Variants in SORT1 observed in about 807,000 individuals in gnomAD.
The protein encoded by SORT1 is sortilin 1.
SORT1 carries 39 observed loss-of-function variants against 101.7 expected under a neutral mutation model. The observed-to-expected ratio is 0.38, with a 90% confidence interval of 0.30 to 0.50. SORT1 has a LOEUF of 0.50. Ranked by LOEUF, SORT1 falls within the 20% of genes least tolerant of loss-of-function variation. The probability of loss-of-function intolerance (pLI) is 0.90; values close to 1 mark genes in which losing one functional copy is unlikely to be tolerated. For synonymous variants in SORT1, 396 were observed against 393.7 expected (o/e 1.01, Z -0.07); for missense variants, 878 against 1,040.4 (o/e 0.84, Z 2.15).
At chr1:109,379,321 C>CA (rs1652078398) in intron 1 of SORT1, among the ~76,000 whole-genome samples, 1 of 150,838 alleles carries the variant, frequency 6.6e-6, no homozygotes, top group African/African-American at 2.4e-5. Flanking sequence ...AAAAATCATA[C>CA]AAAAAAATCT....
rs944938224 is a variant in SORT1, at chr1:109,341,017, G to A, written c.1109-138C>T. On this transcript the variant is annotated intron_variant, in intron 9 of 19. Coordinates refer to ENST00000256637, the MANE Select transcript of SORT1 (RefSeq NM_002959.7). ...CTCTTCATGATGAAGACTCAGACCT[G>A]AGAATTAATCAAGGTTTGATACTCA... 4 of 643,012 alleles carry A rather than the reference G, an allele frequency of 6.2e-6. No homozygotes were observed. The Admixed American group carries it at 1.4e-4, about 22-fold the overall frequency. 39.8% of individuals were successfully genotyped at this position (643,012 alleles called of 1,614,324 possible). A position where few individuals can be genotyped will look rare whatever the true frequency, so the allele number is the denominator to read the frequency against.
intron 1 of SORT1, among the ~76,000 whole-genome samples, chr1:109,385,414 T>C (rs1016293316): frequency 9.2e-5 from 14 of 152,210 alleles, no homozygotes; most frequent in African/African-American, 3.4e-4. Context: ...CTTTGGCACT[T>C]ATAAAAGGGT....
At chr1:109,368,054 G>A (rs1187483539) in intron 2 of SORT1, among the ~76,000 whole-genome samples, 1 of 152,114 alleles carries the variant, frequency 6.6e-6, no homozygotes, top group African/African-American at 2.4e-5. Context: ...AGCACTTTGG[G>A]AGGCTGAGGC....
At chr1:109,378,711 T>TATATATATATATATATATAAATG in intron 1 of SORT1, among the ~76,000 whole-genome samples, 1 of 5,180 alleles carries the variant, frequency 1.9e-4, no homozygotes, top group Admixed American at 1.9e-3. Flanking sequence ...TATATATATA[T>TATATATATATATATATATAAATG]ATATATATAT....
intron 1 of SORT1, among the ~76,000 whole-genome samples, chr1:109,378,971 C>T (rs1652051069): frequency 6.6e-6 from 1 of 150,682 alleles, no homozygotes; most frequent in East Asian, 2.0e-4. Flanking sequence ...GGTGAAACTC[C>T]GTCTCTACTA....
At chr1:109,353,439 C>T (rs984155570) in intron 5 of SORT1, among the ~76,000 whole-genome samples, 1 of 152,078 alleles carries the variant, frequency 6.6e-6, no homozygotes, top group Non-Finnish European at 1.5e-5. Flanking sequence ...AGCCCAGAAC[C>T]CAGACCTCTC....
intron 13 of SORT1, among the ~76,000 whole-genome samples, chr1:109,325,411 T>C (rs1009936320): frequency 2.6e-5 from 4 of 151,746 alleles, no homozygotes; most frequent in Non-Finnish European, 5.9e-5. Flanking sequence ...CAGCTAATTT[T>C]TGTATTTTTA....
chr1:109,317,692 G>C (rs1237858215), intron 16 of SORT1, among the ~76,000 whole-genome samples, 161 bp downstream of exon 16: 1 of 152,156 alleles, frequency 6.6e-6, no homozygotes, highest in Non-Finnish European at 1.5e-5. Flanking sequence ...CTCACCTCCT[G>C]TAGTTGACCC....
At chr1:109,385,862 G>A (rs1345292547) in intron 1 of SORT1, among the ~76,000 whole-genome samples, 1 of 151,956 alleles carries the variant, frequency 6.6e-6, no homozygotes, top group Non-Finnish European at 1.5e-5. Context: ...TTTTCTTCTT[G>A]GTAATTACTA....
In SORT1 at chr1:109,397,654, G is replaced by A. The variant is rs771815902; in HGVS notation, c.239C>T (p.Pro80Leu). ...CCGGCCGCACTCCTCGTCCTCGCCC[G>A]GCGCGCTGCGACGCCAACGGCCGCC... is the stretch of plus-strand genomic sequence containing the variant. ...PRGGRWRRSA[P>L]GEDEECGRVR... Residue 80 changes from proline to leucine, a missense_variant, in exon 1 of 20, where the codon CCG (proline) becomes CTG (leucine). Around this residue, in one of 2 missense-constraint regions of SORT1, gnomAD observed 194 missense variants for 145.9 expected, o/e 1.33. Coordinates refer to ENST00000256637, the MANE Select transcript of SORT1 (RefSeq NM_002959.7). 1.6e-6 allele frequency: 2 copies of A among 1,231,178 alleles called. No homozygotes were observed. Among genetic ancestry groups the A allele is most frequent in the South Asian group, 2.0e-5 (1 of 49,974 alleles). The allele number at this position is 1,231,178 out of a possible 1,614,324, so 76.3% of individuals were successfully genotyped here.
rs1383950780 is a variant in SORT1, at chr1:109,380,008, G to A, written c.307-10419C>T. The stretch of plus-strand genomic sequence containing the variant: ...ATACTAGAAATGGCCAGGCACAGTG[G>A]CTCACCCCTGTAATCCTAGCATTTT... On this transcript the variant is annotated intron_variant, in intron 1 of 19. Coordinates refer to ENST00000256637, the MANE Select transcript of SORT1 (RefSeq NM_002959.7). Among the ~76,000 whole-genome samples the A allele has an allele frequency of 3.3e-5, 5 of 152,130 alleles. No homozygotes were observed. The East Asian group carries it at 9.6e-4, about 29-fold the overall frequency.
Position 109,327,011 on chromosome 1 carries a change from G to A in SORT1, c.1624C>T (p.Arg542Cys), listed in dbSNP as rs770619271. ...GCATACTTAATCACATTGATAGGACGGCTGCTGTGCTCAATGGCCACAATG... is the reference window on the plus strand; with the variant it reads ...GCATACTTAATCACATTGATAGGACAGCTGCTGTGCTCAATGGCCACAATG... Reference protein sequence around the residue: ...GIIVAIEHSSRPINVIKFSTD... With the variant: ...GIIVAIEHSSCPINVIKFSTD... Residue 542 changes from arginine to cysteine, a missense_variant, in exon 13 of 20, where the codon CGT (arginine) becomes TGT (cysteine). Physicochemically the swap from Arg to Cys is radical, Grantham distance 180 (BLOSUM62 -3). This residue lies in a region of SORT1 where 684 missense variants were observed against 894.5 expected (regional missense o/e 0.76). Transcript: ENST00000256637. 2 of 1,611,866 alleles carry A rather than the reference G, an allele frequency of 1.2e-6. No homozygotes were observed. The highest frequency in any genetic ancestry group is 1.7e-5 in the Admixed American group (1 of 59,982).
chr1:109,310,953 G>A lies in SORT1; in HGVS notation c.*3090C>T, dbSNP rs528251315. 6.6e-6 allele frequency: 1 copy of A among 152,336 alleles called. No homozygotes were observed. Among genetic ancestry groups the A allele is most frequent in the East Asian group, 1.9e-4 (1 of 5,164 alleles). The allele number at this position is 152,336 out of a possible 1,614,324, so 9.4% of individuals were successfully genotyped here. ...CACCTTGGGCATGGAGAGGCCCAGA[G>A]GCAAGCATCAGAGCAAGAGAGAGGA... is the stretch of plus-strand genomic sequence containing the variant. On this transcript the variant is annotated 3_prime_UTR_variant, in exon 20 of 20. Transcript: ENST00000256637.
chr1:109,330,951 G>A (rs4970749), intron 11 of SORT1, among the ~76,000 whole-genome samples: 98,496 of 152,024 alleles, frequency 0.65, 33,732 homozygotes, highest in East Asian at 0.96. Context: ...ACTAATATGA[G>A]TAAGGAGGCT....
At chr1:109,375,783 A>G (rs1651795113) in intron 1 of SORT1, among the ~76,000 whole-genome samples, 1 of 152,170 alleles carries the variant, frequency 6.6e-6, no homozygotes, top group African/African-American at 2.4e-5. Flanking sequence ...CTCTTCCTAC[A>G]ATGCAAGCCA....
chr1:109,397,594 G>T lies in SORT1; in HGVS notation c.299C>A (p.Thr100Lys). 7.9e-7 allele frequency: 1 copy of T among 1,266,406 alleles called. No individual in the cohort carries two copies. The highest frequency in any genetic ancestry group is 4.8e-5 in the East Asian group (1 of 20,814). 78.4% of individuals were successfully genotyped at this position (1,266,406 alleles called of 1,614,324 possible). A position where few individuals can be genotyped will look rare whatever the true frequency, so the allele number is the denominator to read the frequency against. ...RDFVAKLANN[T>K]HQHVFDDLRG... ...GGCCCGGCGCCCGCTCACCTGGTGC[G>T]TGTTGTTGGCCAGCTTGGCGACGAA... The change falls in exon 1 of 20, where the codon ACG (threonine) becomes AAG (lysine). Residue 100 changes from threonine to lysine, a missense_variant. This residue lies in a region of SORT1 where 194 missense variants were observed against 145.9 expected (regional missense o/e 1.33). Coordinates refer to ENST00000256637, the MANE Select transcript of SORT1 (RefSeq NM_002959.7).
chr1:109,355,656 C>CCCCCG (rs1321675043), intron 3 of SORT1, among the ~76,000 whole-genome samples, 187 bp from the exon 4 acceptor site: 1 of 129,308 alleles, frequency 7.7e-6, no homozygotes, highest in African/African-American at 3.1e-5. Context: ...CCCCCCCCCC[C>CCCCCG]ACAAACCCAC....
At chr1:109,355,651 C>A (rs553640321) in intron 3 of SORT1, among the ~76,000 whole-genome samples, 182 bp from the exon 4 acceptor site, 3 of 137,056 alleles carry the variant, frequency 2.2e-5, no homozygotes, top group South Asian at 3.0e-4. Context: ...ACCCGCCCCC[C>A]CCCCCACAAA....
chr1:109,331,344 A>G (rs934046354), intron 11 of SORT1, among the ~76,000 whole-genome samples: 1 of 152,196 alleles, frequency 6.6e-6, no homozygotes, highest in Non-Finnish European at 1.5e-5. Flanking sequence ...GATATGCCAC[A>G]TTAATAGAAT....
Sources: allele counts gnomAD v4.1 joint callset (sites outside exome capture counted in the v4.1 genomes callset), GRCh38; gene constraint gnomAD v4.1.1; regional missense constraint gnomAD v4.1.1; transcripts MANE v1.5; gene names NCBI Gene and HGNC (gene_info 2026-07-23, HGNC 2026-07-21).